DCLK2: variants seen among roughly 807,000 people sequenced by gnomAD.
DCLK2 encodes serine/threonine-protein kinase DCLK2.
Under a neutral mutation model 78.4 loss-of-function variants are expected in DCLK2, and 31 were observed. That is an observed-to-expected ratio of 0.40 (90% CI 0.30 to 0.53). DCLK2 has a LOEUF of 0.53. DCLK2 is among the 20% of genes least tolerant of loss of function. The pLI is 0.61. For missense variants in DCLK2, 872 were observed against 973.7 expected (o/e 0.90, Z 1.39); for synonymous variants, 407 against 374.9 (o/e 1.09, Z -0.99).
intron 2 of DCLK2, among the ~76,000 whole-genome samples, chr4:150,130,383 G>A (rs1052823873): frequency 2.6e-5 from 4 of 152,060 alleles, no homozygotes; most frequent in Non-Finnish European, 5.9e-5. Flanking sequence ...ATGCAAACAG[G>A]GCTAGAACTG....
chr4:150,088,028 G>GA (rs5862903), intron 1 of DCLK2, among the ~76,000 whole-genome samples: 57,928 of 151,824 alleles, frequency 0.38, 11,271 homozygotes, highest in Non-Finnish European at 0.42. Context: ...GGATGCTACT[G>GA]GGCCTTCATT....
rs200976935 is a variant in DCLK2 at position 150,197,803 on chromosome 4, A to G, written c.860-199A>G. On this transcript the variant is annotated intron_variant, in intron 3 of 15. Coordinates refer to ENST00000296550, the MANE Select transcript of DCLK2 (RefSeq NM_001040260.4). The stretch of plus-strand genomic sequence containing the variant: ...GAACAAAACTCCATCTCAAGAGAGA[A>G]AAAAAAAAAAAAAGATGTGTAGCCT... Among the ~76,000 whole-genome samples the G allele has an allele frequency of 1.2e-4, 18 of 147,770 alleles. No individual in the cohort carries two copies. In the East Asian group the frequency reaches 1.6e-3, roughly 13 times the overall value.
chr4:150,161,639 C>T (rs1158942513), intron 2 of DCLK2, among the ~76,000 whole-genome samples: 1 of 152,106 alleles, frequency 6.6e-6, no homozygotes, highest in African/African-American at 2.4e-5. Context: ...GGAAGGAAGC[C>T]AGGTTATACA....
intron 12 of DCLK2, among the ~76,000 whole-genome samples, chr4:150,245,179 A>G (rs1469898519): frequency 6.6e-6 from 1 of 152,226 alleles, no homozygotes; most frequent in Non-Finnish European, 1.5e-5. Context: ...GGGAAATAAC[A>G]GTGAAAAGGA....
chr4:150,084,871 A>G (rs557566498), intron 1 of DCLK2, among the ~76,000 whole-genome samples: 1 of 152,128 alleles, frequency 6.6e-6, no homozygotes, highest in Admixed American at 6.5e-5. Flanking sequence ...CCATGCTACC[A>G]CTGCATCTGT....
intron 2 of DCLK2, among the ~76,000 whole-genome samples, chr4:150,112,300 G>T (rs1252114199): frequency 2.6e-5 from 4 of 152,128 alleles, no homozygotes; most frequent in African/African-American, 4.8e-5. Flanking sequence ...CCACTGATTT[G>T]TGTGCTTTGT....
chr4:150,100,529 C>CT (rs1730814358), intron 1 of DCLK2, among the ~76,000 whole-genome samples: 1 of 152,034 alleles, frequency 6.6e-6, no homozygotes, highest in Non-Finnish European at 1.5e-5. Flanking sequence ...TATCCCTGCC[C>CT]TTTTTAAAAA....
At chr4:150,203,928 T>G in intron 5 of DCLK2, 39 bp downstream of exon 5, 1 of 1,554,070 alleles carries the variant, frequency 6.4e-7, no homozygotes, top group Non-Finnish European at 8.9e-7. Context: ...TGTGATTTTG[T>G]TATTTAGAGT....
chr4:150,117,537 CAGTT>C (rs1359699264), intron 2 of DCLK2, among the ~76,000 whole-genome samples: 5 of 152,182 alleles, frequency 3.3e-5, no homozygotes, highest in Non-Finnish European at 5.9e-5. Flanking sequence ...TCGCAGATCT[CAGTT>C]AGGAGCTTCT....
At chr4:150,080,187 G>GA (rs541193955) in intron 1 of DCLK2, among the ~76,000 whole-genome samples, 15 of 151,190 alleles carry the variant, frequency 9.9e-5, no homozygotes, top group African/African-American at 1.5e-4. Flanking sequence ...CATTTGGTTG[G>GA]AAAAAAGGTA....
chr4:150,156,998 G>A (rs1735330259), intron 2 of DCLK2, among the ~76,000 whole-genome samples: 1 of 151,510 alleles, frequency 6.6e-6, no homozygotes, highest in African/African-American at 2.4e-5. Flanking sequence ...TCGAACTCCT[G>A]GACTCAAGTA....
At chr4:150,200,222 C>G (rs908892911) in intron 4 of DCLK2, among the ~76,000 whole-genome samples, 1 of 152,142 alleles carries the variant, frequency 6.6e-6, no homozygotes, top group African/African-American at 2.4e-5. Context: ...TACTTAGAAA[C>G]TGATTAAGGA....
At chr4:150,178,451 C>T (rs1009555982) in intron 2 of DCLK2, among the ~76,000 whole-genome samples, 13 of 151,668 alleles carry the variant, frequency 8.6e-5, no homozygotes, top group South Asian at 4.2e-4. Flanking sequence ...TCTGAACAGC[C>T]ACAGGCATGT....
In DCLK2 at chr4:150,101,445, C is replaced by T. The variant is rs530134765; in HGVS notation, c.422-1033C>T. On this transcript the variant is annotated intron_variant, in intron 1 of 15. Coordinates refer to ENST00000296550, the MANE Select transcript of DCLK2 (RefSeq NM_001040260.4). ...TTCTCTTTCACTATTTGGGTTACTT[C>T]TGTTTTAAGTATTTATAATATTTAA... 3.3e-5 allele frequency among the ~76,000 whole-genome samples: 5 copies of T among 151,966 alleles called. No homozygotes were observed. In the East Asian group the frequency reaches 7.7e-4, roughly 23 times the overall value.
chr4:150,228,669 C>G (rs78358897), intron 8 of DCLK2, among the ~76,000 whole-genome samples: 182 of 152,316 alleles, frequency 1.2e-3, no homozygotes, highest in Non-Finnish European at 1.9e-3. Context: ...GAGGAGAGAT[C>G]TAATCTGGTC....
chr4:150,199,659 G>T (rs1418568618), intron 4 of DCLK2, among the ~76,000 whole-genome samples: 1 of 152,148 alleles, frequency 6.6e-6, no homozygotes, highest in Non-Finnish European at 1.5e-5. Context: ...AATTAACAAT[G>T]AGCATTTTTA....
intron 1 of DCLK2, 58 bp from the exon 2 acceptor site, chr4:150,102,420 A>G: frequency 1.9e-6 from 3 of 1,543,696 alleles, no homozygotes; most frequent in Non-Finnish European, 2.6e-6. Context: ...TGTTCTTTAG[A>G]CCAAATGCTT....
intron 1 of DCLK2, among the ~76,000 whole-genome samples, chr4:150,086,568 G>A (rs541292336): frequency 5.3e-5 from 8 of 150,514 alleles, no homozygotes; most frequent in East Asian, 2.0e-4. Flanking sequence ...GTGCAGTGGC[G>A]CAATCTCGGC....
At chr4:150,104,029 A>T (rs1037122000) in intron 2 of DCLK2, among the ~76,000 whole-genome samples, 1 of 152,146 alleles carries the variant, frequency 6.6e-6, no homozygotes, top group Admixed American at 6.5e-5. Flanking sequence ...TGACAAATCA[A>T]ATAGTTGATT....
Sources: allele counts gnomAD v4.1 joint callset (sites outside exome capture counted in the v4.1 genomes callset), GRCh38; gene constraint gnomAD v4.1.1; transcripts MANE v1.5; gene names NCBI Gene and HGNC (gene_info 2026-07-23, HGNC 2026-07-21).